The following ANKS1B variants were observed in gnomAD, a reference collection of about 807,000 sequenced individuals.
ANKS1B encodes the protein ankyrin repeat and sterile alpha motif domain-containing protein 1B.
ANKS1B carries 36 observed loss-of-function variants against 148.3 expected under a neutral mutation model. The ratio of observed to expected loss-of-function variants is 0.24; its 90% confidence interval spans 0.19 to 0.32. The LOEUF (loss-of-function observed/expected upper bound fraction) is 0.32, where lower values mean the gene tolerates loss of function less well. Among genes scored for constraint, ANKS1B ranks in the 10% least tolerant of loss-of-function variants. ANKS1B has a pLI of 1.00. For missense variants in ANKS1B, 1,157 were observed against 1,542.6 expected, an observed-to-expected ratio of 0.75 and a Z score of 4.19; for synonymous variants, 542 against 560.8, an observed-to-expected ratio of 0.97 and a Z score of 0.47.
intron 1 of ANKS1B, among the ~76,000 whole-genome samples, chr12:99,955,171 T>G (rs2095297625): frequency 6.6e-6 from 1 of 152,146 alleles, no homozygotes. Context: ...GACTTGAGTC[T>G]TTGCACGGTC....
intron 21 of ANKS1B, among the ~76,000 whole-genome samples, chr12:98,800,690 A>G (rs2302893): frequency 0.033 from 4,594 of 137,506 alleles, 354 homozygotes; most frequent in East Asian, 0.12. Flanking sequence ...ATATATATAT[A>G]TGCCATATTT....
chr12:99,931,200 G>A (rs1243767185), intron 1 of ANKS1B, among the ~76,000 whole-genome samples: 1 of 152,066 alleles, frequency 6.6e-6, no homozygotes. Flanking sequence ...GTGGGGTCGG[G>A]GGAGAGGGGA....
At chr12:99,897,159 C>T (rs1002859401) in intron 1 of ANKS1B, among the ~76,000 whole-genome samples, 7 of 151,254 alleles carry the variant, frequency 4.6e-5, no homozygotes, top group South Asian at 4.2e-4. Flanking sequence ...CCCAGAGTCT[C>T]GGCTTATAGC....
chr12:98,945,715 A>T (rs763935728), intron 17 of ANKS1B, among the ~76,000 whole-genome samples: 7 of 152,162 alleles, frequency 4.6e-5, no homozygotes, highest in Middle Eastern at 3.4e-3. Flanking sequence ...GTGAATATGG[A>T]TCAGCAGGGA....
chr12:99,597,364 T>C (rs1338588135), intron 9 of ANKS1B, among the ~76,000 whole-genome samples: 1 of 151,956 alleles, frequency 6.6e-6, no homozygotes, highest in Non-Finnish European at 1.5e-5. Flanking sequence ...ACATTTTCCC[T>C]TATGAATGAA....
intron 12 of ANKS1B, among the ~76,000 whole-genome samples, chr12:99,364,591 C>T (rs942779254): frequency 2.6e-5 from 4 of 152,168 alleles, no homozygotes; most frequent in Non-Finnish European, 5.9e-5. Context: ...ATCATGCACC[C>T]TGTGGATTCT....
At chr12:99,899,242 A>G (rs2093498760) in intron 1 of ANKS1B, among the ~76,000 whole-genome samples, 1 of 152,198 alleles carries the variant, frequency 6.6e-6, no homozygotes, top group African/African-American at 2.4e-5. Flanking sequence ...CACACAGCAA[A>G]TAAGTGGCAG....
At chr12:99,188,439 T>C (rs938782760) in intron 14 of ANKS1B, among the ~76,000 whole-genome samples, 4 of 152,170 alleles carry the variant, frequency 2.6e-5, no homozygotes, top group Non-Finnish European at 4.4e-5. Context: ...GACCATATAA[T>C]TGGAAGTAAA....
intron 14 of ANKS1B, among the ~76,000 whole-genome samples, chr12:99,195,706 T>C (rs2153889895): frequency 6.6e-6 from 1 of 152,210 alleles, no homozygotes; most frequent in African/African-American, 2.4e-5. Flanking sequence ...TCTTTTACTA[T>C]TTCAGGAACA....
chr12:98,861,373 A>AGAAG (rs1423639986), intron 17 of ANKS1B, among the ~76,000 whole-genome samples: 1 of 152,194 alleles, frequency 6.6e-6, no homozygotes, highest in Non-Finnish European at 1.5e-5. Flanking sequence ...AAAAAACAAA[A>AGAAG]GAAGGAAGGA....
chr12:98,867,533 A>G (rs11109635), intron 17 of ANKS1B, among the ~76,000 whole-genome samples: 22,454 of 152,226 alleles, frequency 0.15, 2,640 homozygotes, highest in African/African-American at 0.32. Flanking sequence ...CATTTCTTTC[A>G]TAAACTTCTT....
chr12:99,784,729 C>T (rs1478879470), intron 4 of ANKS1B, among the ~76,000 whole-genome samples: 19 of 152,140 alleles, frequency 1.2e-4, no homozygotes, highest in Admixed American at 1.2e-3. Context: ...TAACAAATTC[C>T]CCTGTGATTC....
chr12:99,093,256 TA>T (rs1488413826), intron 15 of ANKS1B: 16 of 152,376 alleles, frequency 1.1e-4, no homozygotes, highest in African/African-American at 3.6e-4. Flanking sequence ...GTTCTCCTTC[TA>T]AACTACCTTA....
At chr12:99,881,606 T>A (rs2092497633) in intron 1 of ANKS1B, among the ~76,000 whole-genome samples, 1 of 152,200 alleles carries the variant, frequency 6.6e-6, no homozygotes, top group South Asian at 2.1e-4. Context: ...TACAGAGATA[T>A]GATCTTGAAC....
intron 14 of ANKS1B, among the ~76,000 whole-genome samples, chr12:99,218,442 C>T (rs926393301): frequency 1.3e-5 from 2 of 152,166 alleles, no homozygotes; most frequent in Non-Finnish European, 2.9e-5. Flanking sequence ...GTCCTGAAGC[C>T]TCTGCAATCT....
intron 17 of ANKS1B, among the ~76,000 whole-genome samples, chr12:98,915,643 G>A (rs1596825285): frequency 1.3e-5 from 2 of 152,164 alleles, no homozygotes; most frequent in Admixed American, 6.5e-5. Context: ...ATGAGCCATC[G>A]TGCCTGGCCA....
chr12:99,466,633 A>C (rs1398287941), intron 10 of ANKS1B, among the ~76,000 whole-genome samples: 2 of 150,526 alleles, frequency 1.3e-5, no homozygotes, highest in African/African-American at 5.0e-5. Flanking sequence ...CAGAAATACA[A>C]ACTAACATCA....
intron 17 of ANKS1B, among the ~76,000 whole-genome samples, chr12:98,866,302 C>T (rs2099624400): frequency 6.6e-6 from 1 of 152,228 alleles, no homozygotes; most frequent in Non-Finnish European, 1.5e-5. Context: ...CTGCTACTAC[C>T]TCAATCTAGG....
chr12:99,387,196 T>C (rs143667366), intron 12 of ANKS1B, among the ~76,000 whole-genome samples: 1 of 152,120 alleles, frequency 6.6e-6, no homozygotes, highest in Admixed American at 6.5e-5. Context: ...ATAGACATAA[T>C]GTTTGTACCC....
Sources: gnomAD v4.1 joint callset for allele counts (sites outside exome capture counted in the v4.1 genomes callset) on GRCh38, gnomAD v4.1.1 for gene constraint, MANE v1.5 for transcripts, NCBI Gene and HGNC (gene_info 2026-07-23, HGNC 2026-07-21) for gene names.